The following TRAF5 variants were observed in gnomAD, a reference collection of about 807,000 sequenced individuals.
TRAF5 encodes the protein TNF receptor associated factor 5.
In TRAF5, 48 loss-of-function variants were observed where a neutral mutation model predicts 64.5. The observed-to-expected ratio is 0.74, with a 90% confidence interval of 0.59 to 0.95. The LOEUF (loss-of-function observed/expected upper bound fraction) is 0.95, where lower values mean the gene tolerates loss of function less well. TRAF5 is among the 40% of genes least tolerant of loss of function. The pLI is 0.00. For synonymous variants in TRAF5, 206 were observed against 240.5 expected, an observed-to-expected ratio of 0.86 and a Z score of 1.33; for missense variants, 545 against 662.8, an observed-to-expected ratio of 0.82 and a Z score of 1.95.
intron 1 of TRAF5, among the ~76,000 whole-genome samples, chr1:211,349,034 TAAAAAAAA>T (rs373131975): frequency 2.4e-5 from 2 of 84,676 alleles, no homozygotes; most frequent in East Asian, 3.3e-4. Context: ...ACTCTGTCTC[TAAAAAAAA>T]AAAAAAAAAA....
chr1:211,335,923 G>C (rs1702278208), intron 1 of TRAF5, among the ~76,000 whole-genome samples: 1 of 152,176 alleles, frequency 6.6e-6, no homozygotes. Flanking sequence ...CCCCATGCAG[G>C]GAGATTTGCA....
At chr1:211,345,434 C>T (rs1414066838) in intron 1 of TRAF5, among the ~76,000 whole-genome samples, 1 of 150,294 alleles carries the variant, frequency 6.7e-6, no homozygotes, top group Non-Finnish European at 1.5e-5. Flanking sequence ...CAGGATTCAA[C>T]GCCAGCCATG....
chr1:211,365,268 T>C, intron 7 of TRAF5, 108 bp from the exon 8 acceptor site: 2 of 925,444 alleles, frequency 2.2e-6, no homozygotes, highest in Non-Finnish European at 3.2e-6. Flanking sequence ...GTTTAAACTA[T>C]TAAAGTAAGC....
intron 8 of TRAF5, among the ~76,000 whole-genome samples, chr1:211,367,846 C>T (rs916165235): frequency 2.6e-5 from 4 of 152,172 alleles, no homozygotes; most frequent in African/African-American, 7.2e-5. Flanking sequence ...CAAATGCCCT[C>T]TCTGTGCCAG....
At chr1:211,340,016 T>A (rs1457088024) in intron 1 of TRAF5, among the ~76,000 whole-genome samples, 1 of 152,192 alleles carries the variant, frequency 6.6e-6, no homozygotes, top group East Asian at 1.9e-4. Flanking sequence ...TAGCTAAAAG[T>A]CACCAAAAGG....
chr1:211,362,876 G>T (rs997091155), intron 7 of TRAF5, among the ~76,000 whole-genome samples: 1 of 149,272 alleles, frequency 6.7e-6, no homozygotes, highest in African/African-American at 2.6e-5. Context: ...ACAAAAAAAA[G>T]GGGGGGGCTA....
At chr1:211,362,155 G>A (rs1188318715) in intron 7 of TRAF5, among the ~76,000 whole-genome samples, 1 of 151,956 alleles carries the variant, frequency 6.6e-6, no homozygotes, top group Non-Finnish European at 1.5e-5. Context: ...TAATATGTAT[G>A]TTATTACCTT....
intron 5 of TRAF5, 24 bp from the exon 6 acceptor site, chr1:211,360,678 T>C (rs920439221): frequency 6.3e-7 from 1 of 1,595,102 alleles, no homozygotes; most frequent in African/African-American, 1.3e-5. Context: ...AACCCTTTGT[T>C]TTATTGCACT....
chr1:211,354,999 C>G (rs1200694954), intron 3 of TRAF5, among the ~76,000 whole-genome samples: 2 of 151,934 alleles, frequency 1.3e-5, no homozygotes, highest in Non-Finnish European at 2.9e-5. Context: ...ATGGCGAAAC[C>G]CTGTCTCTAC....
intron 5 of TRAF5, 164 bp downstream of exon 5, chr1:211,360,240 A>C: frequency 2.9e-6 from 2 of 695,672 alleles, no homozygotes; most frequent in South Asian, 3.9e-5. Flanking sequence ...GAAAAGCTTA[A>C]AACCTTCTTG....
chr1:211,359,891 G>A, intron 4 of TRAF5, 21 bp from the exon 5 acceptor site: 2 of 1,613,516 alleles, frequency 1.2e-6, no homozygotes, highest in Non-Finnish European at 1.7e-6. Flanking sequence ...GGTCCCACTG[G>A]CCTGTTGTTA....
chr1:211,353,453 C>T lies in TRAF5; in HGVS notation c.214C>T (p.Leu72=). ...CTTCTGCCAGCACTGCATCCTGTCCCTGAGGTGAGTGGGCAGGGCCTGCAA... is the reference window on the plus strand; with the variant it reads ...CTTCTGCCAGCACTGCATCCTGTCCTTGAGGTGAGTGGGCAGGGCCTGCAA... The part of the protein sequence containing the change: ...HRFCQHCILS[L]RELNTVPICP... The change falls in exon 2 of 11, where the codon CTG becomes TTG. Residue 72 remains leucine, a synonymous_variant. Coordinates refer to ENST00000261464, the MANE Select transcript of TRAF5 (RefSeq NM_001033910.3). 3 of 1,612,240 alleles carry T rather than the reference C, an allele frequency of 1.9e-6. No homozygotes were observed. The highest frequency in any genetic ancestry group is 2.5e-6 in the Non-Finnish European group (3 of 1,179,600).
At chr1:211,364,161 A>G (rs1352663364) in intron 7 of TRAF5, among the ~76,000 whole-genome samples, 1 of 152,192 alleles carries the variant, frequency 6.6e-6, no homozygotes, top group Non-Finnish European at 1.5e-5. Flanking sequence ...ACACCTAACA[A>G]ACATTTGCTT....
At chr1:211,357,161 C>A (rs568496398) in intron 4 of TRAF5, 1 of 152,330 alleles carries the variant, frequency 6.6e-6, no homozygotes, top group South Asian at 2.1e-4. Flanking sequence ...TTTGATCACA[C>A]TGCAAGTGAA....
chr1:211,368,181 G>A (rs1703414052), intron 8 of TRAF5, among the ~76,000 whole-genome samples: 1 of 152,186 alleles, frequency 6.6e-6, no homozygotes, highest in Non-Finnish European at 1.5e-5. Context: ...CATGTGGAAT[G>A]TGAATGGGTT....
At chr1:211,365,088 G>A (rs1387965855) in intron 7 of TRAF5, among the ~76,000 whole-genome samples, 1 of 151,468 alleles carries the variant, frequency 6.6e-6, no homozygotes, top group African/African-American at 2.4e-5. Flanking sequence ...CACAAGAATC[G>A]CTTGAACCCG....
intron 1 of TRAF5, among the ~76,000 whole-genome samples, chr1:211,351,050 T>TG (rs1702772173): frequency 6.7e-6 from 1 of 148,934 alleles, no homozygotes; most frequent in African/African-American, 2.5e-5. Flanking sequence ...TTTTTTTTTT[T>TG]GAGACGGAGT....
chr1:211,341,222 A>C (rs1702440463), intron 1 of TRAF5, among the ~76,000 whole-genome samples: 2 of 152,202 alleles, frequency 1.3e-5, no homozygotes, highest in South Asian at 4.1e-4. Context: ...AGGCTGACCT[A>C]GCTTTGGGGA....
Position 211,354,482 on chromosome 1 carries a change from G to A in TRAF5, c.276+15G>A, listed in dbSNP as rs1465614413. Reference sequence around the variant, plus strand: ...AATCTCAGGAGGTAAGAAAGTCACTGCTTTTGTCTAGCAGCTCTCAGGGTG... The same window carrying A: ...AATCTCAGGAGGTAAGAAAGTCACTACTTTTGTCTAGCAGCTCTCAGGGTG... On this transcript the variant is annotated intron_variant, in intron 3 of 10. Coordinates refer to ENST00000261464, the MANE Select transcript of TRAF5 (RefSeq NM_001033910.3). The A allele has an allele frequency of 5.6e-6, 9 of 1,613,376 alleles. No homozygotes were observed. Among genetic ancestry groups the A allele is most frequent in the African/African-American group, 1.3e-5 (1 of 74,934 alleles).
Sources: allele counts gnomAD v4.1 joint callset (sites outside exome capture counted in the v4.1 genomes callset), GRCh38; gene constraint gnomAD v4.1.1; transcripts MANE v1.5; gene names NCBI Gene and HGNC (gene_info 2026-07-23, HGNC 2026-07-21).